PKIA: variants seen among roughly 807,000 people sequenced by gnomAD.
PKIA encodes PKI-alpha.
In PKIA, 4 loss-of-function variants were observed where a neutral mutation model predicts 7.6. The observed-to-expected ratio is 0.52, with a 90% CI of 0.26 to 1.20. The LOEUF (loss-of-function observed/expected upper bound fraction) is 1.20, where lower values mean the gene tolerates loss of function less well. Among genes scored for constraint, PKIA ranks in the 50% most tolerant of loss-of-function variants. The probability of loss-of-function intolerance (pLI) is 0.13; values close to 1 mark genes in which losing one functional copy is unlikely to be tolerated. For synonymous variants in PKIA, 21 were observed against 30.7 expected, an observed-to-expected ratio of 0.68 and a Z score of 1.04; for missense variants, 73 against 86.2, an observed-to-expected ratio of 0.85 and a Z score of 0.61.
intron 1 of PKIA, among the ~76,000 whole-genome samples, chr8:78,533,347 T>A (rs1806439900): frequency 6.6e-6 from 1 of 152,198 alleles, no homozygotes; most frequent in Non-Finnish European, 1.5e-5. Context: ...ATTCACATGT[T>A]CGTTTGCAGT....
chr8:78,557,875 G>A (rs1009075081), intron 1 of PKIA, among the ~76,000 whole-genome samples: 24 of 146,914 alleles, frequency 1.6e-4, no homozygotes, highest in South Asian at 2.2e-4. Flanking sequence ...GTGTTTCCCT[G>A]TAACATTTTG....
chr8:78,552,329 TA>T (rs34033112), intron 1 of PKIA, among the ~76,000 whole-genome samples: 10,647 of 137,054 alleles, frequency 0.078, 445 homozygotes, highest in African/African-American at 0.13. Context: ...ACCATTTTCT[TA>T]AAAAAAAAAA....
At chr8:78,589,759 A>T (rs1808049150) in intron 2 of PKIA, among the ~76,000 whole-genome samples, 2 of 152,088 alleles carry the variant, frequency 1.3e-5, no homozygotes, top group Non-Finnish European at 2.9e-5. Flanking sequence ...AAAAAAAAAA[A>T]TTCATTTTCT....
At chr8:78,575,689 T>A (rs1026014958) in intron 2 of PKIA, among the ~76,000 whole-genome samples, 1 of 151,988 alleles carries the variant, frequency 6.6e-6, no homozygotes, top group Non-Finnish European at 1.5e-5. Context: ...TAAAAGATAA[T>A]GCCAAAATCT....
chr8:78,528,858 T>C (rs917251652), intron 1 of PKIA, among the ~76,000 whole-genome samples: 1 of 152,000 alleles, frequency 6.6e-6, no homozygotes. Flanking sequence ...GACATTTCTT[T>C]AGTGTTTTCA....
At chr8:78,580,897 A>G (rs1194299123) in intron 2 of PKIA, among the ~76,000 whole-genome samples, 2 of 152,102 alleles carry the variant, frequency 1.3e-5, no homozygotes, top group East Asian at 3.9e-4. Context: ...AGAATTAAAC[A>G]TAGATGTAAG....
At chr8:78,544,067 T>C (rs577609920) in intron 1 of PKIA, among the ~76,000 whole-genome samples, 1 of 152,258 alleles carries the variant, frequency 6.6e-6, no homozygotes, top group Non-Finnish European at 1.5e-5. Flanking sequence ...TTAAAACCCA[T>C]TTACTATAAT....
At chr8:78,587,234 T>C (rs1253020431) in intron 2 of PKIA, among the ~76,000 whole-genome samples, 1 of 152,224 alleles carries the variant, frequency 6.6e-6, no homozygotes, top group African/African-American at 2.4e-5. Context: ...AGTATCTTTC[T>C]TCCTTGGACT....
chr8:78,536,437 G>C (rs1246252018), intron 1 of PKIA, among the ~76,000 whole-genome samples: 2 of 152,064 alleles, frequency 1.3e-5, no homozygotes, highest in African/African-American at 4.8e-5. Flanking sequence ...GAAGTAGTGA[G>C]CACAAATTTC....
intron 2 of PKIA, among the ~76,000 whole-genome samples, chr8:78,587,751 A>C (rs1457471770): frequency 2.6e-5 from 4 of 152,218 alleles, no homozygotes; most frequent in African/African-American, 9.6e-5. Context: ...ATTTTAAAAA[A>C]TCTTTTGTTA....
intron 2 of PKIA, among the ~76,000 whole-genome samples, chr8:78,596,290 G>T (rs1808224999): frequency 6.6e-6 from 1 of 152,104 alleles, no homozygotes; most frequent in South Asian, 2.1e-4. Flanking sequence ...CCAGGCTGGA[G>T]TGCAATGGGC....
intron 1 of PKIA, among the ~76,000 whole-genome samples, chr8:78,536,769 C>T (rs1381269186): frequency 6.6e-6 from 1 of 151,724 alleles, no homozygotes; most frequent in East Asian, 1.9e-4. Context: ...CTTGCTACTG[C>T]AGCAGGATTA....
chr8:78,550,870 T>A (rs1806967340), intron 1 of PKIA, among the ~76,000 whole-genome samples: 1 of 152,028 alleles, frequency 6.6e-6, no homozygotes, highest in Non-Finnish European at 1.5e-5. Flanking sequence ...TGCCTTTGCA[T>A]CCTCATAGCT....
At chr8:78,592,735 A>C (rs1585927893) in intron 2 of PKIA, among the ~76,000 whole-genome samples, 2 of 152,340 alleles carry the variant, frequency 1.3e-5, no homozygotes, top group African/African-American at 4.8e-5. Context: ...TCCCACATAG[A>C]TAAGTCATAA....
At chr8:78,570,974 A>G (rs1440055434) in intron 1 of PKIA, among the ~76,000 whole-genome samples, 1 of 152,134 alleles carries the variant, frequency 6.6e-6, no homozygotes, top group East Asian at 1.9e-4. Context: ...CCATTACACT[A>G]TGTAATAATT....
chr8:78,561,927 A>G (rs543960012), intron 1 of PKIA, among the ~76,000 whole-genome samples: 1 of 152,182 alleles, frequency 6.6e-6, no homozygotes, highest in Admixed American at 6.6e-5. Flanking sequence ...GCTCCCTTCT[A>G]ACATATAATA....
chr8:78,537,996 C>G (rs1334081587), intron 1 of PKIA, among the ~76,000 whole-genome samples: 1 of 152,140 alleles, frequency 6.6e-6, no homozygotes, highest in East Asian at 1.9e-4. Context: ...GTCCTGGTCT[C>G]CAAAAGTATT....
At chr8:78,519,151 G>T (rs1809369477) in intron 1 of PKIA, among the ~76,000 whole-genome samples, 1 of 150,404 alleles carries the variant, frequency 6.6e-6, no homozygotes, top group Non-Finnish European at 1.5e-5. Flanking sequence ...AGATAGAACT[G>T]AAGTCAGTCT....
intron 2 of PKIA, among the ~76,000 whole-genome samples, chr8:78,588,275 G>T (rs548757594): frequency 3.8e-4 from 58 of 152,220 alleles, no homozygotes; most frequent in African/African-American, 1.3e-3. Flanking sequence ...GAGGTCGGGA[G>T]TTTGAGGCCA....
Sources: allele counts gnomAD v4.1 joint callset (sites outside exome capture counted in the v4.1 genomes callset), GRCh38; gene constraint gnomAD v4.1.1; transcripts MANE v1.5; gene names NCBI Gene and HGNC (gene_info 2026-07-23, HGNC 2026-07-21).